ARNT2: variants seen among roughly 807,000 people sequenced by gnomAD.
ARNT2 encodes aryl hydrocarbon receptor nuclear translocator 2.
ARNT2 carries 36 observed loss-of-function variants against 91.7 expected under a neutral mutation model. The ratio of observed to expected loss-of-function variants is 0.39; its 90% CI spans 0.30 to 0.52. The LOEUF (loss-of-function observed/expected upper bound fraction) is 0.52. Among genes scored for constraint, ARNT2 ranks in the 20% least tolerant of loss-of-function variants. The probability of loss-of-function intolerance (pLI) is 0.72; values close to 1 mark genes in which losing one functional copy is unlikely to be tolerated. For synonymous variants in ARNT2, 365 were observed against 347.1 expected (o/e 1.05, Z -0.57); for missense variants, 775 against 939.3 (o/e 0.83, Z 2.29).
chr15:80,426,522 G>A (rs550832688), intron 1 of ARNT2, among the ~76,000 whole-genome samples: 1 of 152,308 alleles, frequency 6.6e-6, no homozygotes, highest in South Asian at 2.1e-4. Flanking sequence ...TGTGTCCCAA[G>A]GCTGCTGCAT....
chr15:80,572,191 C>G (rs899979811), intron 12 of ARNT2, among the ~76,000 whole-genome samples: 1 of 151,972 alleles, frequency 6.6e-6, no homozygotes, highest in Non-Finnish European at 1.5e-5. Flanking sequence ...AATGCAGGCA[C>G]CTAGCAGGGG....
Position 80,489,013 on chromosome 15 carries a change from A to C in ARNT2, c.622+13790A>C, listed in dbSNP as rs538220355. 2.0e-5 allele frequency among the ~76,000 whole-genome samples: 3 copies of C among 152,340 alleles called. No homozygotes were observed. In the East Asian group the frequency reaches 5.8e-4, roughly 29 times the overall value. ...ACCTAGAAGTAGTATTTTTTTAGGC[A>C]GATATAATTACTTTGAGTTACTTTG... On this transcript the variant is annotated intron_variant, in intron 5 of 18. Transcript: ENST00000303329.
chr15:80,466,110 C>T (rs2141391561), intron 3 of ARNT2, among the ~76,000 whole-genome samples: 1 of 152,348 alleles, frequency 6.6e-6, no homozygotes, highest in Non-Finnish European at 1.5e-5. Flanking sequence ...CTAAGGTTCC[C>T]TTCCCATAGC....
intron 14 of ARNT2, among the ~76,000 whole-genome samples, chr15:80,575,847 G>T (rs1184152564): frequency 6.6e-6 from 1 of 152,226 alleles, no homozygotes. Context: ...GAGTTCCAGA[G>T]TGGGAAGAGC....
chr15:80,501,269 T>TA (rs34440846), intron 5 of ARNT2, among the ~76,000 whole-genome samples: 43,045 of 152,028 alleles, frequency 0.28, 6,874 homozygotes, highest in East Asian at 0.61. Flanking sequence ...AAAATAATAT[T>TA]AAAAGAGCCT....
chr15:80,505,979 T>G (rs143493856), intron 5 of ARNT2, among the ~76,000 whole-genome samples: 7,455 of 139,478 alleles, frequency 0.053, 465 homozygotes, highest in African/African-American at 0.16. Context: ...GCCCAGGCCG[T>G]ACTGCGGACC....
At chr15:80,498,856 G>T (rs3936145) in intron 5 of ARNT2, among the ~76,000 whole-genome samples, 2 of 152,006 alleles carry the variant, frequency 1.3e-5, no homozygotes, top group African/African-American at 4.8e-5. Flanking sequence ...GCTTCTGTTC[G>T]GTGGGTGCCG....
In ARNT2 at chr15:80,536,793, G is replaced by A. The variant is rs190875739; in HGVS notation, c.878-14406G>A. On this transcript the variant is annotated intron_variant, in intron 8 of 18. Transcript: ENST00000303329. ...TGAAGCATCCTAGGTTTTAGTGCTTGGCCTTTGGGGCATCTGTCACGGCTG... is the reference window on the plus strand; with the variant it reads ...TGAAGCATCCTAGGTTTTAGTGCTTAGCCTTTGGGGCATCTGTCACGGCTG... Among the ~76,000 whole-genome samples, 753 of 152,258 alleles carry A rather than the reference G, an allele frequency of 4.9e-3. 7 individuals carry two copies. The highest frequency in any genetic ancestry group is 0.017 in the African/African-American group (727 of 41,558).
intron 5 of ARNT2, among the ~76,000 whole-genome samples, chr15:80,478,966 G>A (rs963238949): frequency 2.6e-5 from 4 of 152,242 alleles, no homozygotes; most frequent in African/African-American, 9.6e-5. Flanking sequence ...GAGTCAGGGT[G>A]GAAGGGTGTT....
intron 8 of ARNT2, among the ~76,000 whole-genome samples, chr15:80,518,431 CCA>C (rs949003592): frequency 7.2e-5 from 11 of 151,816 alleles, no homozygotes; most frequent in African/African-American, 2.2e-4. Flanking sequence ...CAGGTGTGCA[CCA>C]CCACAGCCAG....
intron 1 of ARNT2, among the ~76,000 whole-genome samples, chr15:80,440,066 A>C (rs73491046): frequency 6.6e-6 from 1 of 152,140 alleles, no homozygotes; most frequent in South Asian, 2.1e-4. Flanking sequence ...GGTAGGCCAG[A>C]GTCTAGGTTT....
chr15:80,508,224 A>G lies in ARNT2; in HGVS notation c.691A>G (p.Met231Val). ...GCAGCAGTCATCCATGAGGATGTGCATGGGCTCGCGGCGGTCTTTCATCTG... is the reference window on the plus strand; with the variant it reads ...GCAGCAGTCATCCATGAGGATGTGCGTGGGCTCGCGGCGGTCTTTCATCTG... ...EGQQSSMRMCMGSRRSFICRM... is the reference protein window; with the variant it reads ...EGQQSSMRMCVGSRRSFICRM... The change falls in exon 6 of 19, where the codon ATG becomes GTG. Residue 231 changes from methionine (M) to valine (V), a missense_variant. Transcript: ENST00000303329. 1 of 1,614,110 alleles carries G rather than the reference A, an allele frequency of 6.2e-7. No individual in the cohort carries two copies. The highest frequency in any genetic ancestry group is 8.5e-7 in the Non-Finnish European group (1 of 1,179,988).
At chr15:80,513,884 C>A in intron 6 of ARNT2, 27 bp from the exon 7 acceptor site, 2 of 1,592,744 alleles carry the variant, frequency 1.3e-6, no homozygotes, top group South Asian at 1.1e-5. Flanking sequence ...GGTCTTTGCT[C>A]ATTCTAATAC....
chr15:80,590,988 G>C (rs1002842372), intron 17 of ARNT2, among the ~76,000 whole-genome samples: 9 of 152,200 alleles, frequency 5.9e-5, no homozygotes, highest in Non-Finnish European at 1.0e-4. Flanking sequence ...GGCCCTGTAG[G>C]GGGACCTTGT....
At chr15:80,429,068 C>T (rs1895973232) in intron 1 of ARNT2, among the ~76,000 whole-genome samples, 1 of 152,204 alleles carries the variant, frequency 6.6e-6, no homozygotes, top group Non-Finnish European at 1.5e-5. Context: ...TGGCCTAATA[C>T]TGCTTAGTTG....
chr15:80,560,464 G>A (rs187234727), intron 11 of ARNT2, among the ~76,000 whole-genome samples: 48 of 152,244 alleles, frequency 3.2e-4, no homozygotes, highest in Non-Finnish European at 5.1e-4. Flanking sequence ...AGAACTGCCC[G>A]CTCCCTTGTT....
intron 1 of ARNT2, among the ~76,000 whole-genome samples, chr15:80,412,665 A>G (rs551165133): frequency 6.6e-5 from 10 of 152,328 alleles, no homozygotes; most frequent in South Asian, 4.1e-4. Flanking sequence ...TCACATTCTT[A>G]TATCTGGGCA....
At chr15:80,470,127 T>G in intron 3 of ARNT2, 91 bp from the exon 4 acceptor site, 5 of 1,297,768 alleles carry the variant, frequency 3.9e-6, no homozygotes, top group Non-Finnish European at 5.4e-6. Flanking sequence ...CCTGGTCATT[T>G]GGTGTTAATG....
chr15:80,582,555 AT>A (rs1158535963), intron 17 of ARNT2, among the ~76,000 whole-genome samples: 1 of 151,984 alleles, frequency 6.6e-6, no homozygotes, highest in Non-Finnish European at 1.5e-5. Flanking sequence ...GGGAGTTGTC[AT>A]CTGCTGCCCA....
Sources: allele counts gnomAD v4.1 joint callset (sites outside exome capture counted in the v4.1 genomes callset), GRCh38; gene constraint gnomAD v4.1.1; transcripts MANE v1.5; gene names NCBI Gene and HGNC (gene_info 2026-07-23, HGNC 2026-07-21).